Variants in RB1 observed in about 807,000 individuals in gnomAD.
The protein encoded by RB1 is retinoblastoma-associated protein.
RB1 carries 18 observed loss-of-function variants against 135.4 expected under a neutral mutation model. That is an observed-to-expected ratio of 0.13 (90% CI 0.09 to 0.20). RB1 has a LOEUF of 0.20. RB1 is among the 10% of genes least tolerant of loss of function. RB1 has a pLI of 1.00. For missense variants in RB1, 868 were observed against 1,110.0 expected (o/e 0.78, Z 3.10); for synonymous variants, 365 against 373.2 (o/e 0.98, Z 0.25).
intron 21 of RB1, among the ~76,000 whole-genome samples, chr13:48,464,205 A>G (rs1476873647): frequency 1.3e-5 from 2 of 152,218 alleles, no homozygotes; most frequent in Non-Finnish European, 2.9e-5. Flanking sequence ...AATCAATAAT[A>G]CAAATGTTCA....
chr13:48,375,182 G>A lies in RB1; in HGVS notation c.1215+1690G>A, dbSNP rs145116089. On this transcript the variant is annotated intron_variant, in intron 12 of 26. Coordinates refer to ENST00000267163, the MANE Select transcript of RB1 (RefSeq NM_000321.3). ...ATAGCATACCAGTGAACATATGAGTGCATGTGAAAGACATTTTCTAGAGCT... is the reference window on the plus strand; with the variant it reads ...ATAGCATACCAGTGAACATATGAGTACATGTGAAAGACATTTTCTAGAGCT... 4.3e-3 allele frequency among the ~76,000 whole-genome samples: 661 copies of A among 152,196 alleles called. 14 individuals are homozygous for A. Among genetic ancestry groups the A allele is most frequent in the East Asian group, 7.3e-3 (38 of 5,172 alleles).
chr13:48,319,478 G>T lies in RB1; in HGVS notation c.264+12072G>T. The T allele has an allele frequency of 3.2e-6, 1 of 311,312 alleles. No individual in the cohort carries two copies. Among genetic ancestry groups the T allele is most frequent in the South Asian group, 3.3e-5 (1 of 30,070 alleles). 19.3% of individuals were successfully genotyped at this position (311,312 alleles called of 1,614,324 possible). ...TTCTCAGGGCGCCAGCGCTCCTCTT[G>T]ACCCCGCTTTTATTCTGTGGTGCTT... On this transcript the variant is annotated intron_variant, in intron 2 of 26. Transcript: ENST00000267163. This position sits in a 1 kb window ranked among gnomAD's most constrained non-coding sequence, Gnocchi z 5.0.
intron 18 of RB1, among the ~76,000 whole-genome samples, chr13:48,453,709 C>T (rs1949343174): frequency 6.6e-6 from 1 of 152,074 alleles, no homozygotes; most frequent in Admixed American, 6.6e-5. Flanking sequence ...ATTTTGAGGG[C>T]TCCAATATTT....
intron 23 of RB1, among the ~76,000 whole-genome samples, chr13:48,466,715 G>A (rs1319400727): frequency 5.3e-4 from 53 of 100,048 alleles, no homozygotes; most frequent in African/African-American, 1.7e-3. Flanking sequence ...GTGCTTAAAG[G>A]AGCTGATGGA....
chr13:48,462,345 G>A (rs2138340766), intron 20 of RB1, among the ~76,000 whole-genome samples: 1 of 144,534 alleles, frequency 6.9e-6, no homozygotes, highest in East Asian at 2.1e-4. Flanking sequence ...GGCTGGTCTT[G>A]AATGGTTGAG....
At chr13:48,321,559 GA>G (rs1456303889) in intron 2 of RB1, among the ~76,000 whole-genome samples, 1 of 151,888 alleles carries the variant, frequency 6.6e-6, no homozygotes, top group African/African-American at 2.4e-5. Flanking sequence ...ATCTTCTTTT[GA>G]AAAATGTCCG....
intron 26 of RB1, 33 bp downstream of exon 26, chr13:48,477,437 TAAAC>T (rs776291449): frequency 1.8e-5 from 28 of 1,531,524 alleles, no homozygotes; most frequent in Non-Finnish European, 2.3e-5. Flanking sequence ...GTAAATGAAA[TAAAC>T]AATTGTTTAC....
chr13:48,398,941 G>A (rs1260156264), intron 17 of RB1, among the ~76,000 whole-genome samples: 2 of 152,084 alleles, frequency 1.3e-5, no homozygotes, highest in East Asian at 3.8e-4. Flanking sequence ...TTTGTGCAGT[G>A]CACTGTGACT....
In RB1 at chr13:48,411,630, A is replaced by G. The variant is rs754779864; in HGVS notation, c.1695+30187A>G. ...GTACATTGTCCTTACTGCTGCCACTACTGAGCAATTAACAAATGTTTGTGT... is the reference window on the plus strand; with the variant it reads ...GTACATTGTCCTTACTGCTGCCACTGCTGAGCAATTAACAAATGTTTGTGT... On this transcript the variant is annotated intron_variant, in intron 17 of 26. Coordinates refer to ENST00000267163, the MANE Select transcript of RB1 (RefSeq NM_000321.3). The G allele has an allele frequency of 6.8e-6, 11 of 1,612,002 alleles. No individual in the cohort carries two copies. The highest frequency in any genetic ancestry group is 9.3e-6 in the Non-Finnish European group (11 of 1,178,296).
At chr13:48,338,580 C>A (rs1952408158) in intron 2 of RB1, among the ~76,000 whole-genome samples, 1 of 152,198 alleles carries the variant, frequency 6.6e-6, no homozygotes, top group African/African-American at 2.4e-5. Flanking sequence ...GGCCAGTTGT[C>A]TAATCTTTTT....
At position 48,352,139 on chromosome 13, in the gene RB1, G is replaced by T. The variant is rs558755839; in HGVS notation, c.607+3116G>T. Reference sequence around the variant, plus strand: ...GTCAGCTTTGTCAAAAAGATCAGCTGGTCCTAGGTGTGCAACCTTATTTCT... The same window carrying T: ...GTCAGCTTTGTCAAAAAGATCAGCTTGTCCTAGGTGTGCAACCTTATTTCT... On this transcript the variant is annotated intron_variant, in intron 6 of 26. Transcript: ENST00000267163. Among the ~76,000 whole-genome samples, 42 of 152,264 alleles carry T rather than the reference G, an allele frequency of 2.8e-4. 1 individual carries two copies. The South Asian group carries it at 8.5e-3, about 31-fold the overall frequency.
At chr13:48,322,717 G>A (rs79045842) in intron 2 of RB1, among the ~76,000 whole-genome samples, 4,473 of 152,134 alleles carry the variant, frequency 0.029, 231 homozygotes, top group African/African-American at 0.1. Context: ...GGTGTTGAGT[G>A]TTTTGTTATG....
chr13:48,419,368 C>A (rs1948968176), intron 17 of RB1, among the ~76,000 whole-genome samples: 4 of 152,174 alleles, frequency 2.6e-5, no homozygotes, highest in Admixed American at 1.3e-4. Context: ...ACCCAAATCT[C>A]TGGGACACAG....
intron 20 of RB1, among the ~76,000 whole-genome samples, chr13:48,460,477 CCTT>C (rs1383221640): frequency 6.6e-6 from 1 of 152,094 alleles, no homozygotes; most frequent in Non-Finnish European, 1.5e-5. Context: ...AGCTGAAGAA[CCTT>C]CTTATCACTG....
At chr13:48,436,696 T>A (rs1379203283) in intron 17 of RB1, among the ~76,000 whole-genome samples, 1 of 151,858 alleles carries the variant, frequency 6.6e-6, no homozygotes, top group African/African-American at 2.4e-5. Context: ...GGCAAGCAGA[T>A]CTGCAGAAAT....
chr13:48,319,681 G>T lies in RB1; in HGVS notation c.264+12275G>T. 1 of 253,988 alleles carries T rather than the reference G, an allele frequency of 3.9e-6. No individual in the cohort carries two copies. Among genetic ancestry groups the T allele is most frequent in the Non-Finnish European group, 8.2e-6 (1 of 122,484 alleles). 15.7% of individuals were successfully genotyped at this position (253,988 alleles called of 1,614,324 possible). A position where few individuals can be genotyped will look rare whatever the true frequency, so the allele number is the denominator to read the frequency against. On this transcript the variant is annotated intron_variant, in intron 2 of 26. Transcript: ENST00000267163. This position sits in a 1 kb window ranked among gnomAD's most constrained non-coding sequence, Gnocchi z 5.0. The stretch of plus-strand genomic sequence containing the variant: ...TGCCGATGCGCCACCTTTGCGGCTA[G>T]CTCTTCGTGGGATTTCAAGAGTGAC...
intron 17 of RB1, among the ~76,000 whole-genome samples, chr13:48,445,597 G>A (rs1949280543): frequency 6.6e-6 from 1 of 151,978 alleles, no homozygotes; most frequent in Admixed American, 6.6e-5. Context: ...TCAAGACTCA[G>A]CGTCCATGTT....
intron 17 of RB1, among the ~76,000 whole-genome samples, chr13:48,416,904 G>A (rs762906179): frequency 3.9e-5 from 6 of 152,198 alleles, no homozygotes; most frequent in Non-Finnish European, 8.8e-5. Flanking sequence ...TGAAAAAAAG[G>A]CAGCAGCCCC....
At chr13:48,475,140 G>A (rs1949496312) in intron 24 of RB1, among the ~76,000 whole-genome samples, 2 of 152,200 alleles carry the variant, frequency 1.3e-5, no homozygotes, top group South Asian at 4.1e-4. Context: ...CAAAGAACTG[G>A]GATTACAGAT....
Sources: gnomAD v4.1 joint callset for allele counts (sites outside exome capture counted in the v4.1 genomes callset) on GRCh38, gnomAD v4.1.1 for gene constraint, Gnocchi (gnomAD v3.1) non-coding constraint, MANE v1.5 for transcripts, NCBI Gene and HGNC (gene_info 2026-07-23, HGNC 2026-07-21) for gene names.